Variants in NXPE2 observed in about 807,000 individuals in gnomAD.
NXPE2 encodes NXPE family member 2.
In NXPE2, 34 loss-of-function variants were observed where a neutral mutation model predicts 34.4. That is an observed-to-expected ratio of 0.99 (90% CI 0.75 to 1.31). NXPE2 has a LOEUF of 1.31. NXPE2 is among the 40% of genes most tolerant of loss of function. NXPE2 has a pLI of 0.00. For synonymous variants in NXPE2, 235 were observed against 231.3 expected, an observed-to-expected ratio of 1.02 and a Z score of -0.15; for missense variants, 649 against 672.5, an observed-to-expected ratio of 0.97 and a Z score of 0.39.
At chr11:114,795,171 TG>T in the NXPE2 span, among the ~76,000 whole-genome samples, 1 of 152,146 alleles carries the variant, frequency 6.6e-6, no homozygotes, top group African/African-American at 2.4e-5. Flanking sequence ...TTGACAATCC[TG>T]GGAGGTGAAG....
chr11:114,806,461 A>AAATGGATAACTAGAAT, the NXPE2 span, among the ~76,000 whole-genome samples: 1 of 152,158 alleles, frequency 6.6e-6, no homozygotes, highest in African/African-American at 2.4e-5. Flanking sequence ...AAAATTAGAC[A>AAATGGATAACTAGAAT]AATGGATAAC....
the NXPE2 span, among the ~76,000 whole-genome samples, chr11:114,772,102 A>T: frequency 1.3e-3 from 195 of 152,314 alleles, no homozygotes; most frequent in African/African-American, 4.4e-3. Context: ...TGGCTTTTCC[A>T]GCTGTGGTCG....
the NXPE2 span, among the ~76,000 whole-genome samples, chr11:114,556,188 A>T: frequency 6.6e-6 from 1 of 152,192 alleles, no homozygotes; most frequent in South Asian, 2.1e-4. Flanking sequence ...TATACCTCTC[A>T]GTTTGAATTT....
the NXPE2 span, among the ~76,000 whole-genome samples, chr11:114,779,870 C>T: frequency 1.3e-5 from 2 of 152,130 alleles, no homozygotes; most frequent in South Asian, 2.1e-4. Flanking sequence ...CAAATTCCCT[C>T]GAGGTGAGTG....
Position 114,707,063 on chromosome 11 carries a change from C to T in NXPE2, c.*133C>T. The T allele has an allele frequency of 3.0e-6, 2 of 665,770 alleles. No individual in the cohort carries two copies. The highest frequency in any genetic ancestry group is 2.2e-5 in the South Asian group (1 of 46,352). The allele number at this position is 665,770 out of a possible 1,614,324, so 41.2% of individuals were successfully genotyped here. A position where few individuals can be genotyped will look rare whatever the true frequency, so the allele number is the denominator to read the frequency against. ...TTCTATTAAAGTTAAATATATGTAACATAACATTTACCATTTAAGCCATTT... is the reference window on the plus strand; with the variant it reads ...TTCTATTAAAGTTAAATATATGTAATATAACATTTACCATTTAAGCCATTT... On this transcript the variant is annotated 3_prime_UTR_variant, in exon 6 of 6. Transcript: ENST00000389586.
chr11:114,593,432 A>G, the NXPE2 span, among the ~76,000 whole-genome samples: 1 of 152,204 alleles, frequency 6.6e-6, no homozygotes, highest in Non-Finnish European at 1.5e-5. Context: ...GGTGCTCAAC[A>G]TCATTGATCA....
the NXPE2 span, among the ~76,000 whole-genome samples, chr11:114,716,747 C>A: frequency 6.6e-6 from 1 of 152,146 alleles, no homozygotes; most frequent in African/African-American, 2.4e-5. Flanking sequence ...ACTCAGAAGG[C>A]AGTTTGGTAT....
chr11:114,613,751 C>T, the NXPE2 span, among the ~76,000 whole-genome samples: 14 of 151,780 alleles, frequency 9.2e-5, no homozygotes, highest in African/African-American at 2.2e-4. Context: ...CACTGTTACC[C>T]GGTGGATAAT....
chr11:114,501,146 A>C, the NXPE2 span, among the ~76,000 whole-genome samples: 1 of 152,232 alleles, frequency 6.6e-6, no homozygotes, highest in African/African-American at 2.4e-5. Context: ...CATCCTTTAA[A>C]GTAGTTCTGA....
the NXPE2 span, among the ~76,000 whole-genome samples, chr11:114,795,116 T>A: frequency 1.3e-5 from 2 of 152,118 alleles, no homozygotes; most frequent in Admixed American, 6.5e-5. Context: ...TGCCCTAAGG[T>A]AGGAGAAGGC....
the NXPE2 span, among the ~76,000 whole-genome samples, chr11:114,794,614 G>T: frequency 7.2e-5 from 11 of 152,292 alleles, no homozygotes; most frequent in African/African-American, 2.4e-4. Context: ...AAGTTTGGCT[G>T]CAGGGACCAC....
the NXPE2 span, among the ~76,000 whole-genome samples, chr11:114,629,281 G>A: frequency 1.1e-4 from 16 of 152,138 alleles, no homozygotes; most frequent in African/African-American, 3.9e-4. Flanking sequence ...ATAAAATACT[G>A]GCAAACGGAA....
the NXPE2 span, among the ~76,000 whole-genome samples, chr11:114,598,912 G>A: frequency 4.9e-3 from 740 of 152,250 alleles, 30 homozygotes; most frequent in Non-Finnish European, 1.2e-3. Flanking sequence ...CACTCTTTTT[G>A]CATTTGGCTC....
chr11:114,589,909 G>T, the NXPE2 span, among the ~76,000 whole-genome samples: 11 of 152,180 alleles, frequency 7.2e-5, no homozygotes, highest in Non-Finnish European at 1.6e-4. Context: ...AATCCATCTG[G>T]TAGTACCTAA....
At chr11:114,615,760 A>C in the NXPE2 span, among the ~76,000 whole-genome samples, 1 of 151,514 alleles carries the variant, frequency 6.6e-6, no homozygotes. Context: ...GTGGATAATA[A>C]GTACTGCCTC....
the NXPE2 span, among the ~76,000 whole-genome samples, chr11:114,795,621 CAT>C: frequency 6.6e-6 from 1 of 152,216 alleles, no homozygotes; most frequent in African/African-American, 2.4e-5. Flanking sequence ...CCTGCCAGGA[CAT>C]GAGTTCATGT....
chr11:114,707,042 A>G lies in NXPE2; in HGVS notation c.*112A>G. 2.6e-6 allele frequency: 2 copies of G among 774,930 alleles called. No individual in the cohort carries two copies. The highest frequency in any genetic ancestry group is 4.0e-6 in the Non-Finnish European group (2 of 497,790). 48.0% of individuals were successfully genotyped at this position (774,930 alleles called of 1,614,324 possible). A position where few individuals can be genotyped will look rare whatever the true frequency, so the allele number is the denominator to read the frequency against. ...AGGAAACTAAATTTGAAAAAGTTCT[A>G]TTAAAGTTAAATATATGTAACATAA... On this transcript the variant is annotated 3_prime_UTR_variant, in exon 6 of 6. Coordinates refer to ENST00000389586, the MANE Select transcript of NXPE2 (RefSeq NM_182495.6).
At chr11:114,754,682 G>A in the NXPE2 span, among the ~76,000 whole-genome samples, 14 of 152,130 alleles carry the variant, frequency 9.2e-5, no homozygotes, top group East Asian at 2.5e-3. Flanking sequence ...GCTGGTGGTG[G>A]GTATGGCAAT....
At chr11:114,638,537 T>C in the NXPE2 span, among the ~76,000 whole-genome samples, 3 of 152,038 alleles carry the variant, frequency 2.0e-5, no homozygotes, top group African/African-American at 4.8e-5. Flanking sequence ...GGAGGAGAGG[T>C]GCTCTGCTTT....
Sources: gnomAD v4.1 joint callset for allele counts (sites outside exome capture counted in the v4.1 genomes callset) on GRCh38, gnomAD v4.1.1 for gene constraint, MANE v1.5 for transcripts, NCBI Gene and HGNC (gene_info 2026-07-23, HGNC 2026-07-21) for gene names.